ERCC8: variants seen among roughly 807,000 people sequenced by gnomAD.
ERCC8 encodes DNA excision repair protein ERCC-8.
A neutral mutation model predicts 54.9 loss-of-function variants in ERCC8; 52 were observed. The observed-to-expected ratio is 0.95, with a 90% CI of 0.76 to 1.19. ERCC8 has a LOEUF of 1.19. Ranked by LOEUF, ERCC8 falls within the 50% of genes most tolerant of loss-of-function variation. The probability of loss-of-function intolerance (pLI) is 0.00; values close to 1 mark genes in which losing one functional copy is unlikely to be tolerated. For synonymous variants in ERCC8, 146 were observed against 157.2 expected (o/e 0.93, Z 0.53); for missense variants, 514 against 466.1 (o/e 1.10, Z -0.95).
intron 5 of ERCC8, 35 bp from the exon 6 acceptor site, chr5:60,903,751 C>A: frequency 6.3e-7 from 1 of 1,596,462 alleles, no homozygotes; most frequent in South Asian, 1.1e-5. Flanking sequence ...ATAATTTTAT[C>A]ATAAGTCATC....
chr5:60,903,945 T>G (rs2112493293), intron 5 of ERCC8, among the ~76,000 whole-genome samples: 1 of 152,220 alleles, frequency 6.6e-6, no homozygotes, highest in East Asian at 1.9e-4. Flanking sequence ...TTTTTTATTC[T>G]GAAATAATTA....
At chr5:60,889,594 C>G (rs372430053) in intron 10 of ERCC8, among the ~76,000 whole-genome samples, 1 of 152,150 alleles carries the variant, frequency 6.6e-6, no homozygotes, top group Non-Finnish European at 1.5e-5. Flanking sequence ...AGCCACTGTG[C>G]GCAGCCATTG....
chr5:60,886,592 C>T (rs1023337930), intron 11 of ERCC8, among the ~76,000 whole-genome samples: 3 of 151,982 alleles, frequency 2.0e-5, no homozygotes, highest in African/African-American at 7.2e-5. Context: ...ATCCCAACTA[C>T]TTGGGAGGCT....
intron 4 of ERCC8, among the ~76,000 whole-genome samples, chr5:60,913,200 C>G (rs1310814458): frequency 6.6e-6 from 1 of 151,994 alleles, no homozygotes; most frequent in East Asian, 1.9e-4. Flanking sequence ...TGGTAGAATT[C>G]GGTTGTGAAT....
chr5:60,905,835 T>C (rs984311014), intron 4 of ERCC8, among the ~76,000 whole-genome samples: 1 of 152,108 alleles, frequency 6.6e-6, no homozygotes, highest in Non-Finnish European at 1.5e-5. Flanking sequence ...TGAAGTCTTG[T>C]AGGTTTGGGG....
At chr5:60,881,966 C>T (rs998369841) in intron 11 of ERCC8, among the ~76,000 whole-genome samples, 4 of 152,172 alleles carry the variant, frequency 2.6e-5, no homozygotes, top group African/African-American at 7.2e-5. Flanking sequence ...CTGGGAGCTG[C>T]AGACTGGAGC....
chr5:60,916,530 A>G (rs1292351864), intron 4 of ERCC8, among the ~76,000 whole-genome samples: 2 of 152,074 alleles, frequency 1.3e-5, no homozygotes, highest in African/African-American at 4.8e-5. Flanking sequence ...TTTGGCTACA[A>G]GATATTCCAT....
rs4647162 is a variant in ERCC8 at position 60,873,578 on chromosome 5, T to G, written c.*1037A>C. 0.46 allele frequency among the ~76,000 whole-genome samples: 70,133 copies of G among 151,960 alleles called. 18,134 individuals carry two copies. The highest frequency in any genetic ancestry group is 0.69 in the African/African-American group (28,567 of 41,464). The stretch of plus-strand genomic sequence containing the variant: ...TGTAATCCCAGCTACTCAGGAGGCT[T>G]AGGCAGGAGAATTGCTTGAACCTGG... On this transcript the variant is annotated 3_prime_UTR_variant, in exon 12 of 12. Transcript: ENST00000676185.
chr5:60,934,758 A>T (rs111554648), intron 1 of ERCC8, among the ~76,000 whole-genome samples: 3,653 of 152,232 alleles, frequency 0.024, 60 homozygotes, highest in Non-Finnish European at 0.037. Context: ...AGAGATGAAG[A>T]TCCATTTTCA....
chr5:60,919,252 G>C (rs760327827), intron 3 of ERCC8: 2 of 152,030 alleles, frequency 1.3e-5, no homozygotes, highest in Admixed American at 1.3e-4. Flanking sequence ...ACATAATTAT[G>C]AGGGTGGATG....
Position 60,922,802 on chromosome 5 carries a change from C to T in ERCC8, c.174-647G>A, listed in dbSNP as rs552922148. 3.3e-5 allele frequency among the ~76,000 whole-genome samples: 5 copies of T among 152,218 alleles called. No homozygotes were observed. In the South Asian group the frequency reaches 8.3e-4, roughly 25 times the overall value. On this transcript the variant is annotated intron_variant, in intron 2 of 11. Coordinates refer to ENST00000676185, the MANE Select transcript of ERCC8 (RefSeq NM_000082.4). Reference sequence around the variant, plus strand: ...ACAAGGCAGGCATGGTTCCTGTCTTCGCAGAGTTTACAATCCAATAGGGAA... The same window carrying T: ...ACAAGGCAGGCATGGTTCCTGTCTTTGCAGAGTTTACAATCCAATAGGGAA...
chr5:60,933,514 A>G (rs1040918476), intron 1 of ERCC8, among the ~76,000 whole-genome samples: 3 of 152,062 alleles, frequency 2.0e-5, no homozygotes, highest in Non-Finnish European at 2.9e-5. Context: ...CACCATGCCC[A>G]GCCCCTGTAT....
At chr5:60,889,481 T>C (rs547225935) in intron 10 of ERCC8, among the ~76,000 whole-genome samples, 1 of 152,272 alleles carries the variant, frequency 6.6e-6, no homozygotes, top group African/African-American at 2.4e-5. Context: ...GATTTTTTGA[T>C]TTTTTGTAAA....
intron 11 of ERCC8, among the ~76,000 whole-genome samples, chr5:60,883,228 A>G (rs1748297609): frequency 6.6e-6 from 1 of 152,252 alleles, no homozygotes; most frequent in South Asian, 2.1e-4. Flanking sequence ...TGAAATAATG[A>G]TATATGAATG....
Position 60,927,914 on chromosome 5 carries a change from A to G in ERCC8, c.173+950T>C, listed in dbSNP as rs3797559. Among the ~76,000 whole-genome samples, 58,968 of 152,130 alleles carry G rather than the reference A, an allele frequency of 0.39. 12,411 individuals carry two copies. Among genetic ancestry groups the G allele is most frequent in the East Asian group, 0.8 (4,148 of 5,178 alleles). ...TGGAAGTAAAAAGTGGAAGTTTATC[A>G]AATCTGTTCTGACTTGACTTAATGT... On this transcript the variant is annotated intron_variant, in intron 2 of 11. Transcript: ENST00000676185.
At position 60,872,950 on chromosome 5, in the gene ERCC8, AG is replaced by A. The variant is rs1386297695; in HGVS notation, c.*1664del. On this transcript the variant is annotated 3_prime_UTR_variant, in exon 12 of 12. Transcript: ENST00000676185. ...ATGGTTGAATGGATAAAGAAAATGT[AG>A]TACATATACACAAACAGCTGATCTC... Among the ~76,000 whole-genome samples, 1 of 152,228 alleles carries A rather than the reference AG, an allele frequency of 6.6e-6. No individual in the cohort carries two copies. Among genetic ancestry groups the A allele is most frequent in the African/African-American group, 2.4e-5 (1 of 41,468 alleles).
intron 4 of ERCC8, among the ~76,000 whole-genome samples, chr5:60,916,111 G>A (rs1031803575): frequency 5.9e-5 from 9 of 151,992 alleles, no homozygotes; most frequent in African/African-American, 2.2e-4. Flanking sequence ...TAAGTCTATG[G>A]TCTCGCATAG....
chr5:60,908,132 G>A (rs1289594830), intron 4 of ERCC8, among the ~76,000 whole-genome samples: 2 of 151,136 alleles, frequency 1.3e-5, no homozygotes, highest in African/African-American at 4.9e-5. Context: ...CTTGTTCTAT[G>A]TACTCCTTTC....
Position 60,918,398 on chromosome 5 carries a change from A to G in ERCC8, c.276-10T>C. 1 of 1,608,100 alleles carries G rather than the reference A, an allele frequency of 6.2e-7. No individual in the cohort carries two copies. The highest frequency in any genetic ancestry group is 8.5e-7 in the Non-Finnish European group (1 of 1,176,726). ...AACATCAGGATGATCTCTACAAAAC[A>G]GCAATCAAAATTTACATTAACTGAC... On this transcript the variant is annotated splice_polypyrimidine_tract_variant and intron_variant, in intron 3 of 11. Transcript: ENST00000676185.
Sources: allele counts gnomAD v4.1 joint callset (sites outside exome capture counted in the v4.1 genomes callset), GRCh38; gene constraint gnomAD v4.1.1; transcripts MANE v1.5; gene names NCBI Gene and HGNC (gene_info 2026-07-23, HGNC 2026-07-21).